Variants in PLCE1 observed in about 807,000 individuals in gnomAD.
PLCE1 encodes 1-phosphatidylinositol 4,5-bisphosphate phosphodiesterase epsilon-1.
A neutral mutation model predicts 242.8 loss-of-function variants in PLCE1; 119 were observed. The observed-to-expected ratio is 0.49, with a 90% CI of 0.42 to 0.57. The LOEUF (loss-of-function observed/expected upper bound fraction) is 0.57, where lower values mean the gene tolerates loss of function less well. Among genes scored for constraint, PLCE1 ranks in the 20% least tolerant of loss-of-function variants. PLCE1 has a pLI of 0.00. For missense variants in PLCE1, 2,441 were observed against 2,788.8 expected (o/e 0.88, Z 2.81); for synonymous variants, 945 against 1,017.4 (o/e 0.93, Z 1.35).
chr10:94,265,954 G>A lies in PLCE1; in HGVS notation c.4277G>A (p.Ser1426Asn). 1 of 1,613,916 alleles carries A rather than the reference G, an allele frequency of 6.2e-7. No homozygotes were observed. Among genetic ancestry groups the A allele is most frequent in the Non-Finnish European group, 8.5e-7 (1 of 1,179,864 alleles). Residue 1426 changes from serine to asparagine, a missense_variant, in exon 16 of 33, where the codon AGC (serine) becomes AAC (asparagine). Transcript: ENST00000371380. ...GGAGAATCCTCGGTAGAACTCTACAGCCAGGTACAGGGAATGCCACTTGGA... is the reference window on the plus strand; with the variant it reads ...GGAGAATCCTCGGTAGAACTCTACAACCAGGTACAGGGAATGCCACTTGGA... Reference protein sequence around the residue: ...LKGESSVELYSQVLLQGCRSV... With the variant: ...LKGESSVELYNQVLLQGCRSV...
intron 22 of PLCE1, among the ~76,000 whole-genome samples, chr10:94,288,998 A>T (rs540958255): frequency 1.3e-5 from 2 of 152,192 alleles, no homozygotes; most frequent in Non-Finnish European, 2.9e-5. Context: ...GCCATCCCCC[A>T]TGGCTGTTCT....
intron 3 of PLCE1, among the ~76,000 whole-genome samples, chr10:94,147,690 G>C (rs547633201): frequency 1.3e-5 from 2 of 152,176 alleles, no homozygotes; most frequent in Non-Finnish European, 2.9e-5. Flanking sequence ...CATAGAGATG[G>C]GAAACCAAAG....
chr10:94,095,724 C>G (rs1346953254), intron 2 of PLCE1, among the ~76,000 whole-genome samples: 1 of 152,114 alleles, frequency 6.6e-6, no homozygotes, highest in East Asian at 1.9e-4. Context: ...AGCTATTTCC[C>G]TTAATACTCC....
At chr10:94,236,161 CT>C in intron 7 of PLCE1, 41 bp downstream of exon 7, 1 of 1,543,238 alleles carries the variant, frequency 6.5e-7, no homozygotes, top group Non-Finnish European at 8.9e-7. Flanking sequence ...CTCATCTCTT[CT>C]TTTTTCCTGT....
chr10:94,109,111 CCTTTG>C (rs2045863297), intron 2 of PLCE1: 1 of 152,046 alleles, frequency 6.6e-6, no homozygotes, highest in Non-Finnish European at 1.5e-5. Flanking sequence ...GATATATTGG[CCTTTG>C]CTTTGATTTA....
chr10:94,040,541 G>A (rs2134627527), intron 2 of PLCE1, among the ~76,000 whole-genome samples: 1 of 152,236 alleles, frequency 6.6e-6, no homozygotes, highest in Non-Finnish European at 1.5e-5. Context: ...GCCATCACTA[G>A]GGTGAGACAA....
At chr10:94,107,978 T>G (rs560490659) in intron 2 of PLCE1, 7 of 152,350 alleles carry the variant, frequency 4.6e-5, no homozygotes, top group African/African-American at 1.7e-4. Flanking sequence ...GTGGGCTGGA[T>G]GGACTGTGGA....
At position 94,324,962 on chromosome 10, in the gene PLCE1, A is replaced by G; in HGVS notation, c.6791A>G (p.Lys2264Arg). ...SELKKLTKSTKQPRGLTSPSQ... is the reference protein window; with the variant it reads ...SELKKLTKSTRQPRGLTSPSQ... ...CTCAAGAAGCTCACCAAGTCAACTAAACAGCCCCGAGGACTTACATCACCT... is the reference window on the plus strand; with the variant it reads ...CTCAAGAAGCTCACCAAGTCAACTAGACAGCCCCGAGGACTTACATCACCT... The change falls in exon 32 of 33, where the codon AAA (lysine) becomes AGA (arginine). Residue 2264 changes from lysine (K) to arginine (R), a missense_variant. Lys to Arg is a conservative substitution (Grantham distance 26). Around this residue, in one of 5 missense-constraint regions of PLCE1, gnomAD observed 310 missense variants for 317.2 expected, o/e 0.98. Coordinates refer to ENST00000371380, the MANE Select transcript of PLCE1 (RefSeq NM_016341.4). 2 of 1,614,140 alleles carry G rather than the reference A, an allele frequency of 1.2e-6. No individual in the cohort carries two copies. Among genetic ancestry groups the G allele is most frequent in the Middle Eastern group, 1.6e-4 (1 of 6,062 alleles).
At chr10:94,126,774 C>T (rs2046448188) in intron 2 of PLCE1, among the ~76,000 whole-genome samples, 1 of 152,186 alleles carries the variant, frequency 6.6e-6, no homozygotes, top group Non-Finnish European at 1.5e-5. Flanking sequence ...TTTGGTCATT[C>T]ATTAGACTTA....
chr10:94,299,127 G>T (rs1178008077), intron 24 of PLCE1, among the ~76,000 whole-genome samples: 2 of 152,172 alleles, frequency 1.3e-5, no homozygotes, highest in Non-Finnish European at 2.9e-5. Flanking sequence ...GAGAATAATG[G>T]TCAGTGCCCG....
chr10:94,179,640 G>C (rs1045942586), intron 4 of PLCE1, among the ~76,000 whole-genome samples: 3 of 149,542 alleles, frequency 2.0e-5, no homozygotes, highest in Non-Finnish European at 4.4e-5. Context: ...CAAATAGTTG[G>C]GACTACAGGT....
chr10:94,272,833 A>G (rs1054128195), intron 18 of PLCE1, among the ~76,000 whole-genome samples: 1 of 152,180 alleles, frequency 6.6e-6, no homozygotes, highest in African/African-American at 2.4e-5. Flanking sequence ...AATGTCCCCA[A>G]ATATTAATGC....
At chr10:94,242,117 T>C (rs1335485546) in intron 7 of PLCE1, among the ~76,000 whole-genome samples, 1 of 152,120 alleles carries the variant, frequency 6.6e-6, no homozygotes, top group Non-Finnish European at 1.5e-5. Flanking sequence ...TATGAAGCCA[T>C]TGTGTAAGAG....
intron 20 of PLCE1, among the ~76,000 whole-genome samples, chr10:94,282,800 T>C (rs1201611615): frequency 3.9e-5 from 6 of 152,220 alleles, no homozygotes; most frequent in African/African-American, 1.4e-4. Flanking sequence ...GCAGATGTCC[T>C]TACTGCCTCC....
chr10:94,025,252 G>T (rs899602546), intron 1 of PLCE1, among the ~76,000 whole-genome samples: 4 of 152,070 alleles, frequency 2.6e-5, no homozygotes, highest in African/African-American at 9.7e-5. Flanking sequence ...CTCTTTGGCT[G>T]TAACTTAGTC....
At chr10:94,034,453 A>G (rs1347980995) in intron 2 of PLCE1, among the ~76,000 whole-genome samples, 1 of 152,226 alleles carries the variant, frequency 6.6e-6, no homozygotes, top group African/African-American at 2.4e-5. Context: ...GAAATTATGT[A>G]CCTCATCAAG....
At chr10:94,327,142 CAG>C (rs2054050949) in intron 32 of PLCE1, among the ~76,000 whole-genome samples, 1 of 152,128 alleles carries the variant, frequency 6.6e-6, no homozygotes. Context: ...AGCCTAGCGA[CAG>C]AGCGAGACTC....
Position 94,031,538 on chromosome 10 carries a change from T to G in PLCE1, c.492T>G (p.Ser164Arg), listed in dbSNP as rs1451187790. 3.0e-5 allele frequency: 49 copies of G among 1,612,248 alleles called. No individual in the cohort carries two copies. Among genetic ancestry groups the G allele is most frequent in the Non-Finnish European group, 4.1e-5 (48 of 1,179,858 alleles). Residue 164 changes from serine to arginine, a missense_variant, in exon 2 of 33, where the codon AGT becomes AGG. Ser to Arg is a moderately radical substitution (Grantham distance 110). This residue lies in a region of PLCE1 where 393 missense variants were observed against 378.5 expected (regional missense o/e 1.04). Coordinates refer to ENST00000371380, the MANE Select transcript of PLCE1 (RefSeq NM_016341.4). ...TAGACAGACCTTCCATGGGCATTAG[T>G]CCTTTAGGAAATCAGTCAGTGATCA... ...LELDRPSMGI[S>R]PLGNQSVIIE...
At chr10:94,304,779 T>C (rs2053147315) in intron 25 of PLCE1, 134 bp downstream of exon 25, 2 of 825,484 alleles carry the variant, frequency 2.4e-6, no homozygotes, top group East Asian at 2.6e-5. Flanking sequence ...CCCAGAATAA[T>C]GTATTTATTT....
Sources: gnomAD v4.1 joint callset for allele counts (sites outside exome capture counted in the v4.1 genomes callset) on GRCh38, gnomAD v4.1.1 for gene constraint, gnomAD v4.1.1 regional missense constraint, MANE v1.5 for transcripts, NCBI Gene and HGNC (gene_info 2026-07-23, HGNC 2026-07-21) for gene names.